The following TMEM232 variants were observed in gnomAD, a reference collection of about 807,000 sequenced individuals.
TMEM232 encodes transmembrane protein 232.
In TMEM232, 80 loss-of-function variants were observed where a neutral mutation model predicts 78.8. That is an observed-to-expected ratio of 1.01 (90% CI 0.85 to 1.22). The LOEUF (loss-of-function observed/expected upper bound fraction) is 1.22. Among genes scored for constraint, TMEM232 ranks in the 50% most tolerant of loss-of-function variants. The pLI, the probability that TMEM232 is intolerant of heterozygous loss-of-function variation, is 0.00. For synonymous variants in TMEM232, 297 were observed against 254.3 expected (o/e 1.17, Z -1.60); for missense variants, 881 against 742.2 (o/e 1.19, Z -2.17).
intron 3 of TMEM232, among the ~76,000 whole-genome samples, chr5:110,395,233 G>A (rs187093659): frequency 5.0e-4 from 76 of 152,200 alleles, no homozygotes; most frequent in Non-Finnish European, 9.1e-4. Context: ...AGAGACAGGG[G>A]AGAGTAATCT....
chr5:110,549,016 A>T (rs1774123951), intron 11 of TMEM232, among the ~76,000 whole-genome samples: 1 of 152,016 alleles, frequency 6.6e-6, no homozygotes, highest in African/African-American at 2.4e-5. Flanking sequence ...CTTCTAAACA[A>T]TGTATGGTTT....
intron 10 of TMEM232, among the ~76,000 whole-genome samples, chr5:110,587,472 A>G (rs1012536915): frequency 6.6e-6 from 1 of 151,930 alleles, no homozygotes; most frequent in Non-Finnish European, 1.5e-5. Context: ...TAACTAAGTT[A>G]TGTTAGTTTG....
At chr5:110,658,038 G>A (rs1420312356) in intron 2 of TMEM232, among the ~76,000 whole-genome samples, 1 of 152,132 alleles carries the variant, frequency 6.6e-6, no homozygotes, top group African/African-American at 2.4e-5. Context: ...TATTACGTTT[G>A]AATGTTTGAG....
intron 12 of TMEM232, among the ~76,000 whole-genome samples, chr5:110,500,137 C>G (rs981306879): frequency 6.6e-6 from 1 of 151,342 alleles, no homozygotes; most frequent in Admixed American, 6.6e-5. Context: ...AGTAAAAATA[C>G]AAAAATTAGC....
chr5:110,577,732 G>A (rs776774510), intron 10 of TMEM232, among the ~76,000 whole-genome samples: 1 of 152,016 alleles, frequency 6.6e-6, no homozygotes, highest in Admixed American at 6.6e-5. Context: ...GGACATGGGT[G>A]GAGCTTAAGG....
chr5:110,676,386 A>T (rs1792026434), intron 1 of TMEM232, among the ~76,000 whole-genome samples: 2 of 150,904 alleles, frequency 1.3e-5, no homozygotes, highest in African/African-American at 4.9e-5. Flanking sequence ...CCAGTAGTGT[A>T]CAGGGTTCCC....
chr5:110,460,600 A>T (rs189502570), intron 12 of TMEM232, among the ~76,000 whole-genome samples: 1 of 152,048 alleles, frequency 6.6e-6, no homozygotes, highest in Non-Finnish European at 1.5e-5. Flanking sequence ...ACACACACAC[A>T]TATACTACTA....
chr5:110,595,130 C>T (rs929318723), intron 10 of TMEM232, among the ~76,000 whole-genome samples: 1 of 152,180 alleles, frequency 6.6e-6, no homozygotes, highest in Admixed American at 6.5e-5. Context: ...CCCAGGCATA[C>T]AGGGTCTGGA....
At chr5:110,410,432 C>G (rs927812771) in intron 2 of TMEM232, among the ~76,000 whole-genome samples, 1 of 152,152 alleles carries the variant, frequency 6.6e-6, no homozygotes, top group South Asian at 2.1e-4. Context: ...AATTTACTTA[C>G]ACTACACTCA....
intron 12 of TMEM232, among the ~76,000 whole-genome samples, chr5:110,525,157 C>A (rs1417029906): frequency 7.4e-5 from 11 of 148,712 alleles, no homozygotes; most frequent in Non-Finnish European, 1.5e-4. Flanking sequence ...AAGATTTCTT[C>A]GTAACAATAA....
intron 12 of TMEM232, among the ~76,000 whole-genome samples, chr5:110,516,599 A>AT (rs1036918592): frequency 2.0e-5 from 3 of 152,086 alleles, no homozygotes; most frequent in Admixed American, 6.5e-5. Flanking sequence ...ATTTTTTCAT[A>AT]TTTTTAAAAA....
At chr5:110,501,039 AT>A (rs1472880816) in intron 12 of TMEM232, among the ~76,000 whole-genome samples, 1 of 152,140 alleles carries the variant, frequency 6.6e-6, no homozygotes, top group Non-Finnish European at 1.5e-5. Context: ...TGTGCATTTT[AT>A]TTCTAGAATA....
At chr5:110,476,349 G>A (rs769535184) in intron 12 of TMEM232, among the ~76,000 whole-genome samples, 4 of 151,870 alleles carry the variant, frequency 2.6e-5, no homozygotes, top group Non-Finnish European at 5.9e-5. Flanking sequence ...ACAGAGAAAA[G>A]GACCTGTGAG....
At chr5:110,583,955 A>C (rs1198583374) in intron 10 of TMEM232, among the ~76,000 whole-genome samples, 1 of 146,712 alleles carries the variant, frequency 6.8e-6, no homozygotes, top group East Asian at 2.1e-4. Context: ...AACTGTTAGA[A>C]TATCTATTAT....
At chr5:110,439,503 G>T (rs767148830) in intron 12 of TMEM232, among the ~76,000 whole-genome samples, 1 of 151,914 alleles carries the variant, frequency 6.6e-6, no homozygotes, top group Non-Finnish European at 1.5e-5. Flanking sequence ...TCAAGGGCAG[G>T]CTCCAGGGTC....
At chr5:110,563,175 T>A (rs144410818) in intron 11 of TMEM232, among the ~76,000 whole-genome samples, 4,780 of 152,034 alleles carry the variant, frequency 0.031, 103 homozygotes, top group African/African-American at 0.055. Flanking sequence ...AAATTAGCAC[T>A]GGTAGTGGTT....
chr5:110,628,821 A>G lies in TMEM232; in HGVS notation c.502-941T>C, dbSNP rs558087791. 11 of 152,210 alleles carry G rather than the reference A, an allele frequency of 7.2e-5. No homozygotes were observed. The South Asian group carries it at 2.1e-3, about 29-fold the overall frequency. 9.4% of individuals were successfully genotyped at this position (152,210 alleles called of 1,614,324 possible). On this transcript the variant is annotated intron_variant, in intron 5 of 13. Transcript: ENST00000455884. ...AGTGCATCATCCAAGACTATAAAGT[A>G]AATAAGTAACATTACTGGAATTTGA...
In TMEM232 at chr5:110,660,842, A is replaced by G. The variant is rs145192386; in HGVS notation, c.125+6386T>C. Reference sequence around the variant, plus strand: ...TTTATCATTTATTTGTGTTAGGAACATTGCAATACCACTCTTTCAGTAATT... The same window carrying G: ...TTTATCATTTATTTGTGTTAGGAACGTTGCAATACCACTCTTTCAGTAATT... On this transcript the variant is annotated intron_variant, in intron 2 of 13. Coordinates refer to ENST00000455884, the MANE Select transcript of TMEM232 (RefSeq NM_001039763.4). Among the ~76,000 whole-genome samples, 6 of 152,318 alleles carry G rather than the reference A, an allele frequency of 3.9e-5. No homozygotes were observed. In the South Asian group the frequency reaches 8.3e-4, roughly 21 times the overall value.
At chr5:110,391,189 G>A (rs1713626477) in intron 3 of TMEM232, among the ~76,000 whole-genome samples, 2 of 152,030 alleles carry the variant, frequency 1.3e-5, no homozygotes, top group African/African-American at 4.8e-5. Context: ...AGGCTAATAA[G>A]CATGGCATAT....
Sources: gnomAD v4.1 joint callset for allele counts (sites outside exome capture counted in the v4.1 genomes callset) on GRCh38, gnomAD v4.1.1 for gene constraint, MANE v1.5 for transcripts, NCBI Gene and HGNC (gene_info 2026-07-23, HGNC 2026-07-21) for gene names.